SYNDIG1: variants seen among roughly 807,000 people sequenced by gnomAD.
SYNDIG1 encodes synapse differentiation inducing 1.
SYNDIG1 carries 9 observed loss-of-function variants against 19.4 expected under a neutral mutation model. That is an observed-to-expected ratio of 0.46 (90% CI 0.28 to 0.81). The LOEUF (loss-of-function observed/expected upper bound fraction) is 0.81, where lower values mean the gene tolerates loss of function less well. Among genes scored for constraint, SYNDIG1 ranks in the 30% least tolerant of loss-of-function variants. The pLI is 0.12. For synonymous variants in SYNDIG1, 141 were observed against 145.9 expected (o/e 0.97, Z 0.24); for missense variants, 311 against 343.3 (o/e 0.91, Z 0.74).
At chr20:24,660,452 A>G (rs2059572691) in intron 3 of SYNDIG1, among the ~76,000 whole-genome samples, 1 of 152,124 alleles carries the variant, frequency 6.6e-6, no homozygotes, top group Non-Finnish European at 1.5e-5. Context: ...AGCATGTTCT[A>G]AGCATGGGTT....
intron 1 of SYNDIG1, among the ~76,000 whole-genome samples, chr20:24,523,989 C>T (rs1190241876): frequency 6.6e-6 from 1 of 152,176 alleles, no homozygotes; most frequent in Non-Finnish European, 1.5e-5. Context: ...GTTTTCACTG[C>T]CATTTGTTTC....
chr20:24,576,423 A>G (rs886966633), intron 2 of SYNDIG1, among the ~76,000 whole-genome samples: 6 of 152,188 alleles, frequency 3.9e-5, no homozygotes, highest in African/African-American at 1.4e-4. Context: ...GTGGCTGATG[A>G]TTGTTGAGCG....
intron 1 of SYNDIG1, among the ~76,000 whole-genome samples, chr20:24,485,650 T>A (rs1164652228): frequency 6.6e-6 from 1 of 152,202 alleles, no homozygotes; most frequent in Non-Finnish European, 1.5e-5. Context: ...AAAGAGCCCT[T>A]TTAGCAAGTG....
intron 3 of SYNDIG1, among the ~76,000 whole-genome samples, chr20:24,622,494 C>T (rs947023210): frequency 6.6e-6 from 1 of 152,200 alleles, no homozygotes; most frequent in Non-Finnish European, 1.5e-5. Flanking sequence ...GGTGAGCAAG[C>T]ATTACCACCT....
chr20:24,472,470 C>T (rs1015910480), intron 1 of SYNDIG1, among the ~76,000 whole-genome samples: 31 of 152,246 alleles, frequency 2.0e-4, no homozygotes, highest in Admixed American at 1.2e-3. Context: ...AATTTTAAAT[C>T]GTATTTTCTA....
intron 3 of SYNDIG1, among the ~76,000 whole-genome samples, chr20:24,588,075 A>C (rs917903489): frequency 1.3e-5 from 2 of 152,208 alleles, no homozygotes; most frequent in Non-Finnish European, 2.9e-5. Flanking sequence ...GTCCTGTTGT[A>C]GCCTGGTCCC....
intron 3 of SYNDIG1, among the ~76,000 whole-genome samples, chr20:24,633,864 G>A (rs183210970): frequency 2.1e-4 from 32 of 152,280 alleles, no homozygotes; most frequent in Non-Finnish European, 4.4e-4. Context: ...GGTTGTTGGG[G>A]TGTGGGCACA....
rs1160048463 is a variant in SYNDIG1 at position 24,543,411 on chromosome 20, G to A, written c.314G>A (p.Gly105Asp). The change falls in exon 2 of 4, where the codon GGT becomes GAT. Residue 105 changes from glycine to aspartate, a missense_variant. Physicochemically the swap from Gly to Asp is moderately conservative, Grantham distance 94 (BLOSUM62 -1). Transcript: ENST00000376862. ...GGCGTGCTGCGCTCCTGGGGGGACG[G>A]TGTGGCCGCCGACTGCTGCGAGACC... ...SEGVLRSWGD[G>D]VAADCCETTF... is the part of the protein sequence containing the mutation. 1 of 1,613,680 alleles carries A rather than the reference G, an allele frequency of 6.2e-7. No individual in the cohort carries two copies. Among genetic ancestry groups the A allele is most frequent in the Non-Finnish European group, 8.5e-7 (1 of 1,180,032 alleles).
intron 3 of SYNDIG1, among the ~76,000 whole-genome samples, chr20:24,596,033 TCTA>T (rs1258019150): frequency 6.6e-6 from 1 of 152,194 alleles, no homozygotes; most frequent in African/African-American, 2.4e-5. Flanking sequence ...CTCTAGTTCT[TCTA>T]CGTGTAATGT....
At chr20:24,663,969 A>G (rs2059626580) in intron 3 of SYNDIG1, among the ~76,000 whole-genome samples, 1 of 152,142 alleles carries the variant, frequency 6.6e-6, no homozygotes, top group Non-Finnish European at 1.5e-5. Context: ...TCATTCATTC[A>G]TTCATTTATT....
intron 1 of SYNDIG1, among the ~76,000 whole-genome samples, chr20:24,489,677 A>G (rs1277666515): frequency 6.6e-6 from 1 of 152,236 alleles, no homozygotes; most frequent in Non-Finnish European, 1.5e-5. Context: ...GGACACAGAA[A>G]TGCACACACA....
At chr20:24,630,537 CAG>C (rs942920760) in intron 3 of SYNDIG1, among the ~76,000 whole-genome samples, 58 of 152,304 alleles carry the variant, frequency 3.8e-4, no homozygotes, top group African/African-American at 1.3e-3. Context: ...GAGAAACAGC[CAG>C]AGAGTCTATC....
rs545709256 is a variant in SYNDIG1, at chr20:24,517,269, G to A, written c.-78-25751G>A. On this transcript the variant is annotated intron_variant, in intron 1 of 3. Transcript: ENST00000376862. Reference sequence around the variant, plus strand: ...TACATATGTAACAAACCTGCACATTGTGCACATGTACCCTAGAACTTAAAG... The same window carrying A: ...TACATATGTAACAAACCTGCACATTATGCACATGTACCCTAGAACTTAAAG... 7.9e-5 allele frequency among the ~76,000 whole-genome samples: 12 copies of A among 151,158 alleles called. No homozygotes were observed. In the East Asian group the frequency reaches 9.7e-4, roughly 12 times the overall value.
chr20:24,537,386 T>C (rs113037595), intron 1 of SYNDIG1, among the ~76,000 whole-genome samples: 1 of 151,672 alleles, frequency 6.6e-6, no homozygotes, highest in Admixed American at 6.6e-5. Flanking sequence ...CAGTGGTCAG[T>C]CCACAGCCAG....
Position 24,649,001 on chromosome 20 carries a change from A to G in SYNDIG1, c.619-16345A>G, listed in dbSNP as rs2059445874. ...TAAGTGTTGAAAAAAGGTGAGCAAA[A>G]AGGTGACCTATGCTCCCTTGGGGAT... On this transcript the variant is annotated intron_variant, in intron 3 of 3. Transcript: ENST00000376862. Among the ~76,000 whole-genome samples, 4 of 152,202 alleles carry G rather than the reference A, an allele frequency of 2.6e-5. No homozygotes were observed. In the South Asian group the frequency reaches 8.3e-4, roughly 32 times the overall value.
At chr20:24,574,614 A>G (rs1414854059) in intron 2 of SYNDIG1, among the ~76,000 whole-genome samples, 2 of 152,356 alleles carry the variant, frequency 1.3e-5, no homozygotes, top group Non-Finnish European at 2.9e-5. Flanking sequence ...GGTGAACTCA[A>G]TGAAGGAACT....
intron 2 of SYNDIG1, among the ~76,000 whole-genome samples, chr20:24,545,722 T>A (rs190172158): frequency 6.6e-6 from 1 of 152,266 alleles, no homozygotes; most frequent in East Asian, 1.9e-4. Context: ...TAGTATAGAC[T>A]TCTGGGGAGG....
At chr20:24,548,418 C>G (rs533558120) in intron 2 of SYNDIG1, among the ~76,000 whole-genome samples, 1 of 152,374 alleles carries the variant, frequency 6.6e-6, no homozygotes, top group Admixed American at 6.5e-5. Flanking sequence ...CATGTAAAAA[C>G]TTGAAAGCTG....
chr20:24,645,058 T>C (rs962684085), intron 3 of SYNDIG1, among the ~76,000 whole-genome samples: 1 of 152,186 alleles, frequency 6.6e-6, no homozygotes, highest in Admixed American at 6.5e-5. Flanking sequence ...AAAATGCTCT[T>C]ACATTAGCAA....
Sources: gnomAD v4.1 joint callset for allele counts (sites outside exome capture counted in the v4.1 genomes callset) on GRCh38, gnomAD v4.1.1 for gene constraint, MANE v1.5 for transcripts, NCBI Gene and HGNC (gene_info 2026-07-23, HGNC 2026-07-21) for gene names.